EYS: variants seen among roughly 807,000 people sequenced by gnomAD.
EYS encodes EGF-like photoreceptor maintenance factor.
EYS carries 250 observed loss-of-function variants against 282.1 expected under a neutral mutation model. That is an observed-to-expected ratio of 0.89 (90% CI 0.80 to 0.98). The LOEUF is 0.98. Ranked by LOEUF, EYS falls within the 50% of genes least tolerant of loss-of-function variation. EYS has a pLI of 0.00. For missense variants in EYS, 4,016 were observed against 3,709.0 expected (o/e 1.08, Z -2.15); for synonymous variants, 1,355 against 1,282.9 (o/e 1.06, Z -1.20).
chr6:63,791,863 G>T (rs1394862972), intron 37 of EYS, among the ~76,000 whole-genome samples: 1 of 152,114 alleles, frequency 6.6e-6, no homozygotes. Flanking sequence ...TCATTCAAGT[G>T]ATTCAGAAGA....
intron 37 of EYS, among the ~76,000 whole-genome samples, chr6:63,796,364 A>T (rs1303583042): frequency 6.6e-6 from 1 of 152,180 alleles, no homozygotes; most frequent in Non-Finnish European, 1.5e-5. Context: ...TAAAACATTT[A>T]TATAGACAGT....
rs887544522 is a variant in EYS, at chr6:65,647,486, C to T, written c.-447-7594G>A. Among the ~76,000 whole-genome samples, 66 of 152,246 alleles carry T rather than the reference C, an allele frequency of 4.3e-4. 1 individual carries two copies. The highest frequency in any genetic ancestry group is 1.5e-3 in the African/African-American group (62 of 41,546). On this transcript the variant is annotated intron_variant, in intron 1 of 42. Coordinates refer to ENST00000503581, the MANE Select transcript of EYS (RefSeq NM_001142800.2). ...ACATGTAGAAGAATGAAGCTGGATC[C>T]TCATCTCTCACCTTATATAAAAATC...
intron 12 of EYS, among the ~76,000 whole-genome samples, chr6:65,264,536 A>C: frequency 6.6e-6 from 1 of 152,122 alleles, no homozygotes; most frequent in East Asian, 1.9e-4. Context: ...ATTGTATTGC[A>C]AATTTGGGTA....
chr6:64,359,574 G>A (rs1771937553), intron 29 of EYS, among the ~76,000 whole-genome samples: 1 of 151,662 alleles, frequency 6.6e-6, no homozygotes, highest in Non-Finnish European at 1.5e-5. Flanking sequence ...GCCATAGACT[G>A]GGTGGCTTCA....
intron 12 of EYS, among the ~76,000 whole-genome samples, chr6:65,064,231 T>TATATATATG (rs578136342): frequency 1.4e-5 from 2 of 140,238 alleles, no homozygotes; most frequent in Non-Finnish European, 3.0e-5. Flanking sequence ...ATATGTATGA[T>TATATATATG]ATATATATGA....
At chr6:65,343,942 T>A (rs1502963) in intron 10 of EYS, 96 bp downstream of exon 10, 1 of 1,048,414 alleles carries the variant, frequency 9.5e-7, no homozygotes, top group Non-Finnish European at 1.5e-6. Flanking sequence ...TTTGAATATT[T>A]AAGAATCTGT....
At chr6:64,619,191 A>AT (rs1767368861) in intron 23 of EYS, among the ~76,000 whole-genome samples, 1 of 152,240 alleles carries the variant, frequency 6.6e-6, no homozygotes, top group South Asian at 2.1e-4. Context: ...TGTATTTTGT[A>AT]TTTTTTATAT....
At chr6:65,071,985 C>T (rs1489414412) in intron 12 of EYS, among the ~76,000 whole-genome samples, 1 of 151,736 alleles carries the variant, frequency 6.6e-6, no homozygotes, top group African/African-American at 2.4e-5. Context: ...ACTTTCCAGC[C>T]TCCAGACTAT....
rs143335686 is a variant in EYS at position 63,914,506 on chromosome 6, C to T, written c.7056-50148G>A. The stretch of plus-strand genomic sequence containing the variant: ...GGCAGATCACCTGAAGTAAGGAGTT[C>T]GAGATCAGCCTGGCCAACAGGGTGA... On this transcript the variant is annotated intron_variant, in intron 35 of 42. Coordinates refer to ENST00000503581, the MANE Select transcript of EYS (RefSeq NM_001142800.2). Among the ~76,000 whole-genome samples, 552 of 152,148 alleles carry T rather than the reference C, an allele frequency of 3.6e-3. 3 individuals are homozygous for T. The highest frequency in any genetic ancestry group is 0.012 in the African/African-American group (495 of 41,510).
At chr6:64,470,617 C>T (rs1363394513) in intron 26 of EYS, among the ~76,000 whole-genome samples, 2 of 152,102 alleles carry the variant, frequency 1.3e-5, no homozygotes, top group Non-Finnish European at 2.9e-5. Flanking sequence ...CAAAAAGTCT[C>T]ATAATGTTTT....
chr6:65,149,053 T>C (rs959564609), intron 12 of EYS, among the ~76,000 whole-genome samples: 14 of 152,120 alleles, frequency 9.2e-5, no homozygotes, highest in African/African-American at 2.9e-4. Context: ...TGGGAAGGGC[T>C]GCTGTAAAGG....
intron 1 of EYS, among the ~76,000 whole-genome samples, chr6:65,690,700 A>T (rs1769210725): frequency 6.7e-6 from 1 of 150,020 alleles, no homozygotes; most frequent in Non-Finnish European, 1.5e-5. Flanking sequence ...CATCCACATT[A>T]GGTATTTCTC....
chr6:65,084,142 A>G (rs12193419), intron 12 of EYS, among the ~76,000 whole-genome samples: 6,334 of 152,154 alleles, frequency 0.042, 186 homozygotes, highest in South Asian at 0.065. Flanking sequence ...ACTATTTGAT[A>G]CTGGTCTTTT....
chr6:64,805,998 C>A (rs1429914156), intron 22 of EYS, among the ~76,000 whole-genome samples: 1 of 150,836 alleles, frequency 6.6e-6, no homozygotes, highest in Non-Finnish European at 1.5e-5. Context: ...TAGGAAAAGG[C>A]CTACTAATTT....
At chr6:64,128,467 G>A (rs1773857745) in intron 31 of EYS, among the ~76,000 whole-genome samples, 1 of 152,058 alleles carries the variant, frequency 6.6e-6, no homozygotes, top group African/African-American at 2.4e-5. Context: ...GGCCTGTTCA[G>A]TTCTAATTCT....
chr6:64,826,606 GC>G (rs1765064521), intron 19 of EYS, among the ~76,000 whole-genome samples: 2 of 150,518 alleles, frequency 1.3e-5, no homozygotes, highest in Non-Finnish European at 1.5e-5. Context: ...GGTTTGATCA[GC>G]AAAACATTTT....
chr6:64,307,565 G>A (rs1769500944), intron 29 of EYS, among the ~76,000 whole-genome samples: 1 of 151,978 alleles, frequency 6.6e-6, no homozygotes, highest in Admixed American at 6.6e-5. Context: ...TGTGGGTGGG[G>A]AAAAAATGTG....
At chr6:64,695,266 C>A (rs762174182) in intron 22 of EYS, among the ~76,000 whole-genome samples, 5 of 152,114 alleles carry the variant, frequency 3.3e-5, no homozygotes, top group Non-Finnish European at 7.4e-5. Flanking sequence ...GCCACCAATG[C>A]AGCTGACTCC....
chr6:64,331,533 T>C (rs1000944620), intron 29 of EYS, among the ~76,000 whole-genome samples: 3 of 152,074 alleles, frequency 2.0e-5, no homozygotes, highest in African/African-American at 7.2e-5. Flanking sequence ...AGCAGGACAG[T>C]GGAAGTTACC....
Sources: allele counts gnomAD v4.1 joint callset (sites outside exome capture counted in the v4.1 genomes callset), GRCh38; gene constraint gnomAD v4.1.1; transcripts MANE v1.5; gene names NCBI Gene and HGNC (gene_info 2026-07-23, HGNC 2026-07-21).